TRPC6: variants seen among roughly 807,000 people sequenced by gnomAD.
TRPC6 encodes transient receptor potential cation channel subfamily C member 6.
In TRPC6, 55 loss-of-function variants were observed where a neutral mutation model predicts 90.7. The ratio of observed to expected loss-of-function variants is 0.61; its 90% CI spans 0.49 to 0.76. The LOEUF is 0.76. TRPC6 is among the 30% of genes least tolerant of loss of function. The pLI is 0.00. For synonymous variants in TRPC6, 393 were observed against 393.0 expected (o/e 1.00, Z 0.00); for missense variants, 989 against 1,122.7 (o/e 0.88, Z 1.70).
chr11:101,468,095 C>A (rs1445086390), intron 10 of TRPC6, among the ~76,000 whole-genome samples: 2 of 152,192 alleles, frequency 1.3e-5, no homozygotes, highest in Non-Finnish European at 2.9e-5. Flanking sequence ...TTTCCACTTG[C>A]CTTCTTGCTG....
intron 3 of TRPC6, 123 bp downstream of exon 3, chr11:101,491,433 C>CAAAA: frequency 1.8e-6 from 2 of 1,119,110 alleles, no homozygotes; most frequent in Non-Finnish European, 2.5e-6. Flanking sequence ...GACTCCATCT[C>CAAAA]AAAAAAAAAA....
intron 2 of TRPC6, among the ~76,000 whole-genome samples, chr11:101,493,229 C>T (rs944460997): frequency 6.6e-6 from 1 of 152,188 alleles, no homozygotes; most frequent in Non-Finnish European, 1.5e-5. Flanking sequence ...ATAAAATACA[C>T]TAACACTAAT....
At chr11:101,554,770 C>G (rs182451671) in intron 1 of TRPC6, among the ~76,000 whole-genome samples, 45 of 152,310 alleles carry the variant, frequency 3.0e-4, no homozygotes, top group African/African-American at 9.1e-4. Flanking sequence ...ATTGTAAACT[C>G]CAGCCTAAGA....
intron 7 of TRPC6, among the ~76,000 whole-genome samples, chr11:101,472,685 T>C (rs1415668282): frequency 1.3e-5 from 2 of 152,182 alleles, no homozygotes. Context: ...TCTATACTTC[T>C]ACTCATATCC....
intron 1 of TRPC6, among the ~76,000 whole-genome samples, chr11:101,556,150 T>C (rs1861556091): frequency 1.3e-5 from 2 of 152,072 alleles, no homozygotes; most frequent in South Asian, 4.1e-4. Context: ...CCTAATATTA[T>C]ACCTCAATGA....
At chr11:101,570,693 C>A (rs1400765664) in intron 1 of TRPC6, among the ~76,000 whole-genome samples, 1 of 152,192 alleles carries the variant, frequency 6.6e-6, no homozygotes, top group Non-Finnish European at 1.5e-5. Flanking sequence ...TTGGCGTCAT[C>A]TCTGGGATGC....
At chr11:101,532,179 A>G (rs1363625735) in intron 1 of TRPC6, among the ~76,000 whole-genome samples, 1 of 152,218 alleles carries the variant, frequency 6.6e-6, no homozygotes, top group Non-Finnish European at 1.5e-5. Context: ...TCTCTTTCCA[A>G]GTCTTGGGAG....
chr11:101,571,438 T>C (rs1591147283), intron 1 of TRPC6, among the ~76,000 whole-genome samples: 2 of 152,148 alleles, frequency 1.3e-5, no homozygotes, highest in South Asian at 4.1e-4. Flanking sequence ...AAAATGGCCA[T>C]ACTACCCAAA....
chr11:101,453,141 A>C lies in TRPC6; in HGVS notation c.2645-35T>G, dbSNP rs759992980. ...CAAGAGTGATAAGAAGTCAACTATA[A>C]ATACGCAATGCGGAAAAACTAGTGA... On this transcript the variant is annotated intron_variant, in intron 12 of 12. Coordinates refer to ENST00000344327, the MANE Select transcript of TRPC6 (RefSeq NM_004621.6). 15 of 1,605,968 alleles carry C rather than the reference A, an allele frequency of 9.3e-6. No individual in the cohort carries two copies. In the South Asian group the frequency reaches 1.6e-4, roughly 18 times the overall value.
intron 2 of TRPC6, among the ~76,000 whole-genome samples, chr11:101,495,740 G>A (rs1050993837): frequency 2.6e-5 from 4 of 151,602 alleles, no homozygotes; most frequent in African/African-American, 9.7e-5. Flanking sequence ...GATATTATCT[G>A]CAGGTGTTGG....
At chr11:101,478,533 T>C (rs1158262945) in intron 5 of TRPC6, among the ~76,000 whole-genome samples, 1 of 152,176 alleles carries the variant, frequency 6.6e-6, no homozygotes. Flanking sequence ...AATAGAATTC[T>C]TGGCACAAAT....
At chr11:101,470,196 C>T (rs1859254920) in intron 9 of TRPC6, among the ~76,000 whole-genome samples, 1 of 152,156 alleles carries the variant, frequency 6.6e-6, no homozygotes, top group South Asian at 2.1e-4. Context: ...TAAAGGCAGC[C>T]CATTCTTCTG....
intron 4 of TRPC6, among the ~76,000 whole-genome samples, chr11:101,488,393 A>C: frequency 6.6e-6 from 1 of 152,244 alleles, no homozygotes. Context: ...GTCCCTAAAA[A>C]ATGTATATTC....
At chr11:101,571,768 GA>G (rs1229629298) in intron 1 of TRPC6, among the ~76,000 whole-genome samples, 3 of 152,288 alleles carry the variant, frequency 2.0e-5, no homozygotes, top group African/African-American at 7.2e-5. Flanking sequence ...AAGAAATGGG[GA>G]AAGGATTCCC....
In TRPC6 at chr11:101,472,169, C is replaced by T. The variant is rs1239429250; in HGVS notation, c.2173G>A (p.Ala725Thr). 6.2e-7 allele frequency: 1 copy of T among 1,611,606 alleles called. No individual in the cohort carries two copies. The highest frequency in any genetic ancestry group is 8.5e-7 in the Non-Finnish European group (1 of 1,179,308). ...MVIVLLNMLI[A>T]MINSSFQEIE... is the part of the protein sequence containing the mutation. Reference sequence around the variant, plus strand: ...TCCTGGAATGAACTGTTGATCATGGCAATTAACATATTTAGCAAAACAATG... The same window carrying T: ...TCCTGGAATGAACTGTTGATCATGGTAATTAACATATTTAGCAAAACAATG... Residue 725 changes from alanine (A) to threonine (T), a missense_variant, in exon 8 of 13, where the codon GCC (alanine) becomes ACC (threonine). Transcript: ENST00000344327.
At chr11:101,492,331 C>A (rs1859846859) in intron 2 of TRPC6, among the ~76,000 whole-genome samples, 1 of 152,116 alleles carries the variant, frequency 6.6e-6, no homozygotes, top group African/African-American at 2.4e-5. Context: ...CGCCTGTAAT[C>A]CCCTCACTTT....
chr11:101,551,097 A>C (rs1236926597), intron 1 of TRPC6, among the ~76,000 whole-genome samples: 1 of 151,932 alleles, frequency 6.6e-6, no homozygotes, highest in African/African-American at 2.4e-5. Context: ...GCTTAGAGAA[A>C]ATGCTTCTGT....
At chr11:101,511,299 C>T (rs1306438752) in intron 1 of TRPC6, among the ~76,000 whole-genome samples, 1 of 152,080 alleles carries the variant, frequency 6.6e-6, no homozygotes, top group Non-Finnish European at 1.5e-5. Context: ...GTTGAGGAAG[C>T]AATAAACAAT....
intron 1 of TRPC6, among the ~76,000 whole-genome samples, chr11:101,579,321 T>C (rs1862141089): frequency 6.6e-6 from 1 of 152,224 alleles, no homozygotes; most frequent in Non-Finnish European, 1.5e-5. Flanking sequence ...TTTTATATTG[T>C]CAACATTTAT....
Sources: allele counts gnomAD v4.1 joint callset (sites outside exome capture counted in the v4.1 genomes callset), GRCh38; gene constraint gnomAD v4.1.1; transcripts MANE v1.5; gene names NCBI Gene and HGNC (gene_info 2026-07-23, HGNC 2026-07-21).